The following RNF213 variants were observed in gnomAD, a reference collection of about 807,000 sequenced individuals.
RNF213 encodes the protein ring finger protein 213.
In RNF213, 341 loss-of-function variants were observed where a neutral mutation model predicts 514.4. The observed-to-expected ratio is 0.66, with a 90% CI of 0.61 to 0.73. The LOEUF (loss-of-function observed/expected upper bound fraction) is 0.73, where lower values mean the gene tolerates loss of function less well. Ranked by LOEUF, RNF213 falls within the 30% of genes least tolerant of loss-of-function variation. The pLI is 0.00. For synonymous variants in RNF213, 2,655 were observed against 2,658.2 expected (o/e 1.00, Z 0.04); for missense variants, 5,767 against 6,615.6 (o/e 0.87, Z 4.45).
In RNF213 at chr17:80,381,594, T is replaced by A. The variant is rs1313788579; in HGVS notation, c.13845T>A (p.Phe4615Leu). ...CTCCAGTGAGGGATCCAAAAGGCTTTCTGCAGCAGCACATCCTGAAGGACC... is the reference window on the plus strand; with the variant it reads ...CTCCAGTGAGGGATCCAAAAGGCTTACTGCAGCAGCACATCCTGAAGGACC... Reference protein sequence around the residue: ...IKPPVRDPKGFLQQHILKDLE... With the variant: ...IKPPVRDPKGLLQQHILKDLE... Residue 4615 changes from phenylalanine (F) to leucine (L), a missense_variant, in exon 57 of 68, where the codon TTT (phenylalanine) becomes TTA (leucine). Phe to Leu is a conservative substitution (Grantham distance 22). Transcript: ENST00000582970. 1 of 1,614,112 alleles carries A rather than the reference T, an allele frequency of 6.2e-7. No homozygotes were observed. Among genetic ancestry groups the A allele is most frequent in the African/African-American group, 1.3e-5 (1 of 74,944 alleles).
In RNF213 at chr17:80,353,416, C is replaced by A; in HGVS notation, c.10424-96C>A. 2.1e-6 allele frequency: 3 copies of A among 1,397,880 alleles called. No individual in the cohort carries two copies. The highest frequency in any genetic ancestry group is 2.5e-5 in the East Asian group (1 of 40,234). 86.6% of individuals were successfully genotyped at this position (1,397,880 alleles called of 1,614,324 possible). ...ACAGCAGGGGCCGGGGAAGCCTGCA[C>A]TCGGAGGCTGAGCACACAGACTCCC... On this transcript the variant is annotated intron_variant, in intron 33 of 67. Transcript: ENST00000582970. The surrounding 1 kb of genome is among the most constrained non-coding windows in gnomAD (Gnocchi z 5.0).
In RNF213 at chr17:80,288,147, C is replaced by A; in HGVS notation, c.594C>A (p.Asp198Glu). 6.2e-7 allele frequency: 1 copy of A among 1,610,144 alleles called. No homozygotes were observed. Among genetic ancestry groups the A allele is most frequent in the Non-Finnish European group, 8.5e-7 (1 of 1,177,532 alleles). Residue 198 changes from aspartate (D) to glutamate (E), a missense_variant, in exon 4 of 68, where the codon GAC becomes GAA. Physicochemically the swap from Asp to Glu is conservative, Grantham distance 45 (BLOSUM62 2). Transcript: ENST00000582970. The surrounding 1 kb of genome is among the most constrained non-coding windows in gnomAD (Gnocchi z 4.9). ...CTCAGAGCAGCCCGCAATTCCAGGA[C>A]CACACGGAAGGGGAGGACCAGGACG... ...SEAQSSPQFQ[D>E]HTEGEDQDAS... is the part of the protein sequence containing the mutation.
At position 80,343,939 on chromosome 17, in the gene RNF213, G is replaced by C; in HGVS notation, c.6266G>C (p.Arg2089Pro). 1.2e-6 allele frequency: 2 copies of C among 1,614,126 alleles called. No individual in the cohort carries two copies. Among genetic ancestry groups the C allele is most frequent in the Non-Finnish European group, 1.7e-6 (2 of 1,180,002 alleles). Reference protein sequence around the residue: ...LMDINGKMWLRNPCHLYIVEI... With the variant: ...LMDINGKMWLPNPCHLYIVEI... ...GATATAAATGGGAAAATGTGGCTTC[G>C]GAACCCCTGCCATTTGTATATCGTT... is the stretch of plus-strand genomic sequence containing the variant. Residue 2089 changes from arginine to proline, a missense_variant, in exon 28 of 68, where the codon CGG becomes CCG. Around this residue, in one of 13 missense-constraint regions of RNF213, gnomAD observed 1,377 missense variants for 1,635.2 expected, o/e 0.84. Transcript: ENST00000582970. The surrounding 1 kb of genome is among the most constrained non-coding windows in gnomAD (Gnocchi z 4.3).
At chr17:80,265,002 T>C (rs1050385182) in intron 2 of RNF213, among the ~76,000 whole-genome samples, 1 of 151,542 alleles carries the variant, frequency 6.6e-6, no homozygotes, top group African/African-American at 2.4e-5. Flanking sequence ...TCTCCGATGT[T>C]GTCCTTCAAG....
chr17:80,317,335 G>A lies in RNF213; in HGVS notation c.2901+58G>A, dbSNP rs1011677409. ...CGTGAAGGCAAGCTGGAGAACCCCA[G>A]ACCATTAGCGACAGCCAAGAGATCT... On this transcript the variant is annotated intron_variant, in intron 16 of 67. Coordinates refer to ENST00000582970, the MANE Select transcript of RNF213 (RefSeq NM_001256071.3). This position sits in a 1 kb window ranked among gnomAD's most constrained non-coding sequence, Gnocchi z 4.1. 6.8e-7 allele frequency: 1 copy of A among 1,470,668 alleles called. No homozygotes were observed. Among genetic ancestry groups the A allele is most frequent in the African/African-American group, 1.4e-5 (1 of 72,486 alleles). 91.1% of individuals were successfully genotyped at this position (1,470,668 alleles called of 1,614,324 possible).
Position 80,383,787 on chromosome 17 carries a change from C to G in RNF213, c.14181C>G (p.Pro4727=). ...ATGGTGACCCAGTGACCTTCCTGCC[C>G]CACCTGCCCCGGAAAAGTGTGGTCC... ...IIYGDPVTFL[P]HLPRKSVVHC... The change falls in exon 59 of 68, where the codon CCC becomes CCG. Residue 4727 remains proline, a synonymous_variant. Coordinates refer to ENST00000582970, the MANE Select transcript of RNF213 (RefSeq NM_001256071.3). 6.2e-7 allele frequency: 1 copy of G among 1,614,138 alleles called. No homozygotes were observed. The highest frequency in any genetic ancestry group is 8.5e-7 in the Non-Finnish European group (1 of 1,180,042).
At chr17:80,295,082 ACT>A (rs2044886022) in intron 9 of RNF213, 79 bp downstream of exon 9, 1 of 1,549,646 alleles carries the variant, frequency 6.5e-7, no homozygotes, top group Non-Finnish European at 8.9e-7. Context: ...TGACCCCTTG[ACT>A]CTGTGGGCCA....
chr17:80,345,806 A>G lies in RNF213; in HGVS notation c.7471A>G (p.Thr2491Ala), dbSNP rs763705104. The G allele has an allele frequency of 1.2e-6, 2 of 1,614,036 alleles. No individual in the cohort carries two copies. The highest frequency in any genetic ancestry group is 1.3e-5 in the African/African-American group (1 of 74,948). Reference protein sequence around the residue: ...DTILFFDEANTTEAISCIKEV... With the variant: ...DTILFFDEANATEAISCIKEV... ...CATCTTGTTTTTTGATGAAGCCAAC[A>G]CAACGGAAGCTATAAGCTGTATCAA... Residue 2491 changes from threonine to alanine, a missense_variant, in exon 29 of 68, where the codon ACA becomes GCA. Coordinates refer to ENST00000582970, the MANE Select transcript of RNF213 (RefSeq NM_001256071.3). The surrounding 1 kb of genome is among the most constrained non-coding windows in gnomAD (Gnocchi z 6.0).
At chr17:80,315,934 ACAG>A (rs2045930078) in intron 15 of RNF213, 1 of 114,088 alleles carries the variant, frequency 8.8e-6, no homozygotes, top group Non-Finnish European at 1.9e-5. Context: ...GGTGGAGGTG[ACAG>A]TGGTGATGCT....
rs566727319 is a variant in RNF213, at chr17:80,370,683, C to T, written c.12425+816C>T. ...ACACACAAAACACTCCCACTACACA[C>T]CGGAGTAGACAGTTGCCTCACAGAA... On this transcript the variant is annotated intron_variant, in intron 46 of 67. Transcript: ENST00000582970. 1.1e-4 allele frequency among the ~76,000 whole-genome samples: 16 copies of T among 152,326 alleles called. No homozygotes were observed. The East Asian group carries it at 2.9e-3, about 28-fold the overall frequency.
chr17:80,372,713 T>A lies in RNF213; in HGVS notation c.12730T>A (p.Ser4244Thr), dbSNP rs2079564612. 6.2e-7 allele frequency: 1 copy of A among 1,613,538 alleles called. No homozygotes were observed. Among genetic ancestry groups the A allele is most frequent in the Non-Finnish European group, 8.5e-7 (1 of 1,180,030 alleles). The change falls in exon 48 of 68, where the codon TCG becomes ACG. Residue 4244 changes from serine to threonine, a missense_variant. Around this residue, in one of 13 missense-constraint regions of RNF213, gnomAD observed 1,245 missense variants for 1,339.0 expected, o/e 0.93. Transcript: ENST00000582970. The stretch of plus-strand genomic sequence containing the variant: ...CCTCGACAGAGCTGCAGATTTCCTC[T>A]CGGAGCCTGAGGGAGGCCCAGGCAA... ...LCLDRAADFL[S>T]EPEGGPEMAK...
intron 3 of RNF213, among the ~76,000 whole-genome samples, chr17:80,274,095 G>A (rs186267756): frequency 2.2e-4 from 33 of 152,202 alleles, no homozygotes; most frequent in Non-Finnish European, 3.8e-4. Flanking sequence ...GGACCTGAGC[G>A]TCCGCTGGGT....
Position 80,290,627 on chromosome 17 carries a change from T to C in RNF213, c.1170T>C (p.His390=), listed in dbSNP as rs1214833769. Residue 390 remains histidine (H), a synonymous_variant, in exon 7 of 68, where the codon CAT becomes CAC. Coordinates refer to ENST00000582970, the MANE Select transcript of RNF213 (RefSeq NM_001256071.3). ...TVFFHAIISL[H]FPFNPDLHKV... Reference sequence around the variant, plus strand: ...TCTTCCACGCCATCATCTCTCTTCATTTCCCATTCAATCCTGACCTCCATA... The same window carrying C: ...TCTTCCACGCCATCATCTCTCTTCACTTCCCATTCAATCCTGACCTCCATA... The C allele has an allele frequency of 6.2e-7, 1 of 1,614,166 alleles. No individual in the cohort carries two copies. The highest frequency in any genetic ancestry group is 1.1e-5 in the South Asian group (1 of 91,082).
chr17:80,269,652 C>CCAT (rs1324644547), intron 2 of RNF213, among the ~76,000 whole-genome samples: 7 of 151,980 alleles, frequency 4.6e-5, no homozygotes, highest in Admixed American at 2.6e-4. Context: ...ATCTATTCAT[C>CCAT]CATCAATCTA....
intron 17 of RNF213, among the ~76,000 whole-genome samples, chr17:80,323,625 G>A (rs1470900462): frequency 6.6e-6 from 1 of 151,902 alleles, no homozygotes; most frequent in East Asian, 1.9e-4. Flanking sequence ...ACCATGCCTG[G>A]CTAATTTTTG....
intron 16 of RNF213, 136 bp from the exon 17 acceptor site, chr17:80,319,054 G>T (rs1343689490): frequency 2.5e-6 from 4 of 1,585,872 alleles, no homozygotes; most frequent in Admixed American, 3.4e-5. Context: ...TGCTTTGCGT[G>T]GGCCAGGAGA....
rs1243665268 is a variant in RNF213, at chr17:80,363,293, T to A, written c.11547T>A (p.His3849Gln). ...LHSLMEARWN[H>Q]ELAGCEMTLD... ...GCCTGATGGAAGCCCGTTGGAACCA[T>A]GAGCTGGCTGGATGTGAGATGGTAT... The change falls in exon 40 of 68, where the codon CAT becomes CAA. Residue 3849 changes from histidine to glutamine, a missense_variant. By Grantham distance (24) the His-to-Gln change is conservative. Around this residue, in one of 13 missense-constraint regions of RNF213, gnomAD observed 355 missense variants for 358.0 expected, o/e 0.99. Transcript: ENST00000582970. 1 of 1,613,612 alleles carries A rather than the reference T, an allele frequency of 6.2e-7. No homozygotes were observed. The highest frequency in any genetic ancestry group is 1.3e-5 in the African/African-American group (1 of 74,916).
chr17:80,384,688 G>A (rs1010744317), intron 59 of RNF213, among the ~76,000 whole-genome samples: 9 of 152,274 alleles, frequency 5.9e-5, no homozygotes, highest in African/African-American at 1.7e-4. Flanking sequence ...GCCAGCCCTC[G>A]CTGCCTAAGC....
At chr17:80,379,932 C>T in intron 55 of RNF213, 1 of 585,460 alleles carries the variant, frequency 1.7e-6, no homozygotes, top group Non-Finnish European at 3.1e-6. Context: ...GCAAAGCAGG[C>T]TACCCTTTAA....
Sources: allele counts gnomAD v4.1 joint callset (sites outside exome capture counted in the v4.1 genomes callset), GRCh38; gene constraint gnomAD v4.1.1; regional missense constraint gnomAD v4.1.1; non-coding constraint Gnocchi (gnomAD v3.1); transcripts MANE v1.5; gene names NCBI Gene and HGNC (gene_info 2026-07-23, HGNC 2026-07-21).